The following NCEH1 variants were observed in gnomAD, a reference collection of about 807,000 sequenced individuals.
NCEH1 encodes neutral cholesterol ester hydrolase 1.
NCEH1 carries 9 observed loss-of-function variants against 25.4 expected under a neutral mutation model. That is an observed-to-expected ratio of 0.35 (90% CI 0.21 to 0.62). The LOEUF (loss-of-function observed/expected upper bound fraction) is 0.62, where lower values mean the gene tolerates loss of function less well. Ranked by LOEUF, NCEH1 falls within the 20% of genes least tolerant of loss-of-function variation. The pLI is 0.72. For missense variants in NCEH1, 412 were observed against 501.1 expected, an observed-to-expected ratio of 0.82 and a Z score of 1.70; for synonymous variants, 200 against 199.8, an observed-to-expected ratio of 1.00 and a Z score of -0.01.
chr3:172,650,790 T>A (rs1717359829), intron 1 of NCEH1, among the ~76,000 whole-genome samples: 1 of 121,966 alleles, frequency 8.2e-6, no homozygotes, highest in Non-Finnish European at 1.6e-5. Flanking sequence ...CCAGCCTGGA[T>A]GACAGAGCGA....
intron 1 of NCEH1, among the ~76,000 whole-genome samples, chr3:172,670,410 A>G (rs1711541206): frequency 6.6e-6 from 1 of 152,274 alleles, no homozygotes; most frequent in Non-Finnish European, 1.5e-5. Flanking sequence ...TAAGGTAGAA[A>G]TATCACAGAA....
chr3:172,678,395 A>G (rs748729057), intron 1 of NCEH1, among the ~76,000 whole-genome samples: 63 of 152,206 alleles, frequency 4.1e-4, no homozygotes, highest in Non-Finnish European at 6.8e-4. Flanking sequence ...GGCTGTTGGG[A>G]CAGAATCTGG....
At chr3:172,672,678 T>C (rs1711705513) in intron 1 of NCEH1, among the ~76,000 whole-genome samples, 2 of 152,132 alleles carry the variant, frequency 1.3e-5, no homozygotes, top group South Asian at 4.1e-4. Context: ...TCTTTTATAA[T>C]AGGGACCAGG....
intron 1 of NCEH1, among the ~76,000 whole-genome samples, chr3:172,700,524 A>T (rs1016135804): frequency 6.6e-5 from 10 of 152,120 alleles, no homozygotes; most frequent in African/African-American, 1.9e-4. Flanking sequence ...AATTTAAAAA[A>T]TTTTTTTAAG....
At chr3:172,641,898 G>T (rs896058607) in intron 3 of NCEH1, among the ~76,000 whole-genome samples, 1 of 152,058 alleles carries the variant, frequency 6.6e-6, no homozygotes, top group African/African-American at 2.4e-5. Flanking sequence ...CTTTAAACGA[G>T]GTAAGATCTT....
chr3:172,676,278 G>C (rs1560197595), intron 1 of NCEH1, among the ~76,000 whole-genome samples: 2 of 152,152 alleles, frequency 1.3e-5, no homozygotes, highest in Non-Finnish European at 2.9e-5. Flanking sequence ...CGCTTGAAGG[G>C]CCGGGCCAGG....
chr3:172,681,067 G>C (rs907488894), intron 1 of NCEH1: 32 of 151,624 alleles, frequency 2.1e-4, no homozygotes, highest in African/African-American at 7.8e-4. Flanking sequence ...TGGCGAAATA[G>C]AGGGGATATG....
At chr3:172,660,036 AGTTT>A (rs1042259042) in intron 1 of NCEH1, among the ~76,000 whole-genome samples, 2 of 151,488 alleles carry the variant, frequency 1.3e-5, no homozygotes, top group Non-Finnish European at 2.9e-5. Flanking sequence ...ACAACGTGCA[AGTTT>A]GTTACATATG....
rs917385154 is a variant in NCEH1, at chr3:172,648,130, G to A, written c.139-16C>T. On this transcript the variant is annotated splice_polypyrimidine_tract_variant and intron_variant, in intron 1 of 4. Transcript: ENST00000475381. ...TCAGGTTACTCTGCAGGGCGAGGGA[G>A]GAAATAAAGAGGGAGGGCGCACGTC... 1.2e-6 allele frequency: 2 copies of A among 1,613,606 alleles called. No individual in the cohort carries two copies. The highest frequency in any genetic ancestry group is 1.7e-4 in the Middle Eastern group (1 of 6,038).
At chr3:172,674,723 C>T (rs1013743471) in intron 1 of NCEH1, among the ~76,000 whole-genome samples, 14 of 152,130 alleles carry the variant, frequency 9.2e-5, no homozygotes, top group African/African-American at 2.4e-4. Context: ...GTTACAGTTA[C>T]GCTACTATTC....
intron 1 of NCEH1, among the ~76,000 whole-genome samples, chr3:172,702,836 G>T (rs1229848007): frequency 6.6e-6 from 1 of 151,576 alleles, no homozygotes; most frequent in African/African-American, 2.4e-5. Flanking sequence ...AATAAAAAAA[G>T]AAAAATATAG....
At chr3:172,693,066 T>C (rs1476118375) in intron 1 of NCEH1, among the ~76,000 whole-genome samples, 1 of 152,212 alleles carries the variant, frequency 6.6e-6, no homozygotes, top group East Asian at 1.9e-4. Context: ...CTGGCTCCCG[T>C]AGGACCCACT....
At chr3:172,663,093 G>A (rs1479642772) in intron 1 of NCEH1, among the ~76,000 whole-genome samples, 1 of 151,922 alleles carries the variant, frequency 6.6e-6, no homozygotes, top group East Asian at 1.9e-4. Flanking sequence ...TCTCTTGTGG[G>A]CATTTAGTGC....
At position 172,710,935 on chromosome 3, in the gene NCEH1, T is replaced by C. The variant is rs764904447; in HGVS notation, c.50A>G (p.Tyr17Cys). Reference sequence around the variant, plus strand: ...GCCAGGCAGCGGGATGTAGACGTAATAGGCGGCCAGCGCCACCAGGGCGGT... The same window carrying C: ...GCCAGGCAGCGGGATGTAGACGTAACAGGCGGCCAGCGCCACCAGGGCGGT... ...LLTALVALAAYYVYIPLPGSV... is the reference protein window; with the variant it reads ...LLTALVALAACYVYIPLPGSV... The change falls in exon 1 of 5, where the codon TAT becomes TGT. Residue 17 changes from tyrosine (Y) to cysteine (C), a missense_variant. This residue lies in a region of NCEH1 where 178 missense variants were observed against 189.2 expected (regional missense o/e 0.94). Transcript: ENST00000475381. 6.2e-7 allele frequency: 1 copy of C among 1,614,104 alleles called. No homozygotes were observed. The highest frequency in any genetic ancestry group is 1.1e-5 in the South Asian group (1 of 91,082).
At chr3:172,636,397 G>A (rs995945460) in intron 3 of NCEH1, among the ~76,000 whole-genome samples, 6 of 151,606 alleles carry the variant, frequency 4.0e-5, no homozygotes, top group Non-Finnish European at 7.4e-5. Flanking sequence ...AAAGGCGAAT[G>A]TTCATTACAA....
chr3:172,636,357 C>G (rs1716596892), intron 3 of NCEH1, among the ~76,000 whole-genome samples: 1 of 151,540 alleles, frequency 6.6e-6, no homozygotes, highest in Non-Finnish European at 1.5e-5. Context: ...TACTTACCAC[C>G]AAGAACAACC....
At chr3:172,696,585 A>G (rs1414997721) in intron 1 of NCEH1, among the ~76,000 whole-genome samples, 2 of 152,334 alleles carry the variant, frequency 1.3e-5, no homozygotes, top group East Asian at 3.9e-4. Context: ...TAGATCAGTA[A>G]ACAAACCCTT....
At chr3:172,645,833 TAG>T (rs911614182) in intron 2 of NCEH1, 141 bp from the exon 3 acceptor site, 5 of 509,760 alleles carry the variant, frequency 9.8e-6, no homozygotes, top group East Asian at 3.0e-5. Flanking sequence ...GAACAAATAA[TAG>T]AGTTACATGT....
chr3:172,659,193 G>A (rs1026860443), intron 1 of NCEH1, among the ~76,000 whole-genome samples: 12 of 152,124 alleles, frequency 7.9e-5, no homozygotes, highest in African/African-American at 2.9e-4. Context: ...AAGTTATAGA[G>A]AAAGACAAAA....
Sources: gnomAD v4.1 joint callset for allele counts (sites outside exome capture counted in the v4.1 genomes callset) on GRCh38, gnomAD v4.1.1 for gene constraint, gnomAD v4.1.1 regional missense constraint, MANE v1.5 for transcripts, NCBI Gene and HGNC (gene_info 2026-07-23, HGNC 2026-07-21) for gene names.